SGMS1: variants seen among roughly 807,000 people sequenced by gnomAD.
SGMS1 encodes sphingomyelin synthase 1.
A neutral mutation model predicts 46.2 loss-of-function variants in SGMS1; 13 were observed. That is an observed-to-expected ratio of 0.28 (90% confidence interval 0.18 to 0.45). The LOEUF (loss-of-function observed/expected upper bound fraction) is 0.45. Ranked by LOEUF, SGMS1 falls within the 20% of genes least tolerant of loss-of-function variation. The pLI is 1.00. For missense variants in SGMS1, 324 were observed against 519.9 expected, an observed-to-expected ratio of 0.62 and a Z score of 3.66; for synonymous variants, 203 against 187.8, an observed-to-expected ratio of 1.08 and a Z score of -0.66.
chr10:50,573,194 C>T (rs1838350825), intron 2 of SGMS1, among the ~76,000 whole-genome samples: 1 of 152,178 alleles, frequency 6.6e-6, no homozygotes, highest in African/African-American at 2.4e-5. Flanking sequence ...ATGCCCCACA[C>T]TCACTACTTC....
At position 50,405,084 on chromosome 10, in the gene SGMS1, T is replaced by C. The variant is rs1391965981; in HGVS notation, c.-232+28392A>G. 3.3e-5 allele frequency among the ~76,000 whole-genome samples: 5 copies of C among 152,194 alleles called. No homozygotes were observed. The South Asian group carries it at 6.2e-4, about 19-fold the overall frequency. ...CAAATCACAAGAAATGTAATAACAGTTACAGTGAGAGGAGCCTTTGACATC... is the reference window on the plus strand; with the variant it reads ...CAAATCACAAGAAATGTAATAACAGCTACAGTGAGAGGAGCCTTTGACATC... On this transcript the variant is annotated intron_variant, in intron 6 of 10. Transcript: ENST00000361781.
chr10:50,550,944 A>G (rs1380530387), intron 2 of SGMS1, among the ~76,000 whole-genome samples: 1 of 152,226 alleles, frequency 6.6e-6, no homozygotes, highest in African/African-American at 2.4e-5. Flanking sequence ...ACTAAAAAAT[A>G]AATCATTGAT....
chr10:50,474,659 T>G (rs1268513495), intron 3 of SGMS1, among the ~76,000 whole-genome samples: 1 of 152,184 alleles, frequency 6.6e-6, no homozygotes, highest in Non-Finnish European at 1.5e-5. Context: ...ATTAGAATTT[T>G]TCATACTGTT....
At chr10:50,563,726 G>C (rs1419734599) in intron 2 of SGMS1, among the ~76,000 whole-genome samples, 1 of 117,140 alleles carries the variant, frequency 8.5e-6, no homozygotes, top group Non-Finnish European at 1.6e-5. Context: ...CTGGGCGACA[G>C]AGCGAGACTC....
chr10:50,527,658 G>T (rs1317316937), intron 2 of SGMS1, among the ~76,000 whole-genome samples: 1 of 152,070 alleles, frequency 6.6e-6, no homozygotes, highest in Non-Finnish European at 1.5e-5. Context: ...GGCGTTTGTG[G>T]GTTACTTGTG....
At chr10:50,611,872 AC>A (rs934445814) in intron 1 of SGMS1, among the ~76,000 whole-genome samples, 6 of 151,310 alleles carry the variant, frequency 4.0e-5, no homozygotes, top group African/African-American at 1.5e-4. Flanking sequence ...ACACACTGGC[AC>A]CCCCCATCCC....
chr10:50,379,050 A>C (rs184216933), intron 6 of SGMS1, among the ~76,000 whole-genome samples: 4 of 152,344 alleles, frequency 2.6e-5, no homozygotes, highest in Non-Finnish European at 2.9e-5. Context: ...AAGTACAAAT[A>C]ACATATGCTC....
intron 8 of SGMS1, among the ~76,000 whole-genome samples, chr10:50,319,322 C>T (rs1394819685): frequency 6.6e-6 from 1 of 151,930 alleles, no homozygotes; most frequent in Non-Finnish European, 1.5e-5. Context: ...TTTCCTGGGT[C>T]CCTTGGGAAG....
chr10:50,507,303 A>C (rs1039372318), intron 3 of SGMS1, among the ~76,000 whole-genome samples: 16 of 152,200 alleles, frequency 1.1e-4, no homozygotes, highest in African/African-American at 3.1e-4. Context: ...GAAGGACTTT[A>C]TCTCTTCTTT....
intron 6 of SGMS1, among the ~76,000 whole-genome samples, chr10:50,398,240 A>G (rs964498941): frequency 1.3e-5 from 2 of 152,240 alleles, no homozygotes; most frequent in African/African-American, 4.8e-5. Flanking sequence ...TATAAAAACA[A>G]TCAGGCTCTA....
intron 6 of SGMS1, among the ~76,000 whole-genome samples, chr10:50,348,093 T>C (rs1847943724): frequency 6.6e-6 from 1 of 152,146 alleles, no homozygotes; most frequent in Admixed American, 6.5e-5. Flanking sequence ...CTCCCATTTA[T>C]GAGTGAGAAC....
intron 6 of SGMS1, among the ~76,000 whole-genome samples, chr10:50,347,833 CA>C (rs1847939234): frequency 6.6e-6 from 1 of 152,148 alleles, no homozygotes; most frequent in African/African-American, 2.4e-5. Flanking sequence ...AATCTCCTCT[CA>C]AGAGATAATC....
At chr10:50,317,588 A>G (rs1847362962) in intron 8 of SGMS1, among the ~76,000 whole-genome samples, 1 of 152,144 alleles carries the variant, frequency 6.6e-6, no homozygotes, top group Non-Finnish European at 1.5e-5. Context: ...TCCAAATAAC[A>G]AGGACAATAC....
rs12263729 is a variant in SGMS1, at chr10:50,434,211, T to C, written c.-312-655A>G. Among the ~76,000 whole-genome samples, 352 of 152,358 alleles carry C rather than the reference T, an allele frequency of 2.3e-3. 1 individual carries two copies. Among genetic ancestry groups the C allele is most frequent in the African/African-American group, 7.2e-3 (300 of 41,588 alleles). On this transcript the variant is annotated intron_variant, in intron 5 of 10. Transcript: ENST00000361781. ...TCATTCAGAACAATGTGTTTACTTT[T>C]GTTTTTCCATTTCTTAGCATTTTAG...
chr10:50,313,373 TA>T (rs1303777648), intron 8 of SGMS1, among the ~76,000 whole-genome samples: 3 of 151,990 alleles, frequency 2.0e-5, no homozygotes, highest in Non-Finnish European at 4.4e-5. Context: ...GTAAACACAT[TA>T]AAAAATCTAA....
At chr10:50,387,681 T>C (rs927124337) in intron 6 of SGMS1, among the ~76,000 whole-genome samples, 2 of 152,202 alleles carry the variant, frequency 1.3e-5, no homozygotes, top group African/African-American at 4.8e-5. Flanking sequence ...ATAGGTATTG[T>C]ATATGCTAAA....
intron 6 of SGMS1, among the ~76,000 whole-genome samples, chr10:50,424,246 T>C (rs1420650463): frequency 6.6e-6 from 1 of 152,228 alleles, no homozygotes; most frequent in Admixed American, 6.5e-5. Flanking sequence ...TCACAGTCAC[T>C]AGCCAGATTT....
At chr10:50,536,360 A>G (rs1315664028) in intron 2 of SGMS1, among the ~76,000 whole-genome samples, 1 of 152,188 alleles carries the variant, frequency 6.6e-6, no homozygotes, top group East Asian at 1.9e-4. Context: ...AACAAAAAAA[A>G]CCCATTTCCT....
At chr10:50,434,815 C>T (rs1471854519) in intron 5 of SGMS1, among the ~76,000 whole-genome samples, 6 of 144,152 alleles carry the variant, frequency 4.2e-5, no homozygotes, top group South Asian at 2.3e-4. Flanking sequence ...ACCCGGGAGG[C>T]GGAGTTTGCA....
Sources: gnomAD v4.1 joint callset for allele counts (sites outside exome capture counted in the v4.1 genomes callset) on GRCh38, gnomAD v4.1.1 for gene constraint, MANE v1.5 for transcripts, NCBI Gene and HGNC (gene_info 2026-07-23, HGNC 2026-07-21) for gene names.